SPAG16: variants seen among roughly 807,000 people sequenced by gnomAD.
SPAG16 encodes the protein sperm-associated antigen 16 protein.
Under a neutral mutation model 80.4 loss-of-function variants are expected in SPAG16, and 86 were observed. The observed-to-expected ratio is 1.07, with a 90% CI of 0.90 to 1.28. SPAG16 has a LOEUF of 1.28. Ranked by LOEUF, SPAG16 falls within the 50% of genes most tolerant of loss-of-function variation. The pLI is 0.00. For missense variants in SPAG16, 870 were observed against 765.3 expected (o/e 1.14, Z -1.61); for synonymous variants, 294 against 265.9 (o/e 1.11, Z -1.03).
At chr2:213,408,755 G>T (rs1159585972) in intron 9 of SPAG16, among the ~76,000 whole-genome samples, 2 of 152,140 alleles carry the variant, frequency 1.3e-5, no homozygotes, top group East Asian at 3.8e-4. Context: ...CTAATAATTG[G>T]TCTGCTCAAA....
At chr2:213,861,647 G>T (rs1321718762) in intron 10 of SPAG16, among the ~76,000 whole-genome samples, 2 of 152,140 alleles carry the variant, frequency 1.3e-5, no homozygotes, top group Non-Finnish European at 2.9e-5. Flanking sequence ...ACATTGTAAG[G>T]CATAGATGAA....
intron 15 of SPAG16, among the ~76,000 whole-genome samples, chr2:214,329,995 G>A (rs145013637): frequency 8.6e-5 from 13 of 152,022 alleles, no homozygotes; most frequent in East Asian, 7.7e-4. Context: ...GGCTGGGTGC[G>A]GTGGCTCATG....
At chr2:213,648,837 A>T (rs2062920999) in intron 10 of SPAG16, among the ~76,000 whole-genome samples, 2 of 152,190 alleles carry the variant, frequency 1.3e-5, no homozygotes, top group African/African-American at 4.8e-5. Flanking sequence ...GCTAGTTCTG[A>T]ATAGGATTGG....
At chr2:214,157,397 G>A (rs1294348407) in intron 15 of SPAG16, among the ~76,000 whole-genome samples, 1 of 151,984 alleles carries the variant, frequency 6.6e-6, no homozygotes, top group African/African-American at 2.4e-5. Context: ...AAACTGTTAT[G>A]CTTTATCTGG....
At chr2:214,096,545 G>T (rs1250704414) in intron 13 of SPAG16, among the ~76,000 whole-genome samples, 1 of 152,008 alleles carries the variant, frequency 6.6e-6, no homozygotes, top group South Asian at 2.1e-4. Context: ...CAGTTCTTAT[G>T]CTACTGGGAG....
intron 1 of SPAG16, among the ~76,000 whole-genome samples, chr2:213,286,665 C>A (rs1325914432): frequency 6.6e-6 from 1 of 152,236 alleles, no homozygotes; most frequent in African/African-American, 2.4e-5. Context: ...CGCACATATA[C>A]TCAATCACTT....
chr2:214,041,948 GT>G (rs1303183066), intron 13 of SPAG16, among the ~76,000 whole-genome samples: 1 of 116,282 alleles, frequency 8.6e-6, no homozygotes, highest in Non-Finnish European at 1.8e-5. Flanking sequence ...TATATATATA[GT>G]TTGTGTATAT....
At position 213,641,031 on chromosome 2, in the gene SPAG16, C is replaced by G. The variant is rs183480320; in HGVS notation, c.1070+150941C>G. 1.6e-4 allele frequency among the ~76,000 whole-genome samples: 24 copies of G among 152,240 alleles called. No individual in the cohort carries two copies. In the East Asian group the frequency reaches 4.1e-3, roughly 26 times the overall value. On this transcript the variant is annotated intron_variant, in intron 10 of 15. Transcript: ENST00000331683. ...GTTTGTGTCTTTTGTGTTCAGCTAC[C>G]AGGGTTTGTAGAGACAAACCATCAG...
intron 10 of SPAG16, among the ~76,000 whole-genome samples, chr2:213,813,927 T>C (rs1175131714): frequency 6.6e-6 from 1 of 152,052 alleles, no homozygotes; most frequent in East Asian, 1.9e-4. Context: ...GAGGTTCAGA[T>C]GCACAGGCCT....
intron 10 of SPAG16, among the ~76,000 whole-genome samples, chr2:213,521,451 C>G (rs2075663725): frequency 6.6e-6 from 1 of 152,196 alleles, no homozygotes; most frequent in Admixed American, 6.5e-5. Context: ...GGAAGACTTC[C>G]AGGATGTTAG....
chr2:214,086,030 A>G (rs564450013), intron 13 of SPAG16, among the ~76,000 whole-genome samples: 2 of 152,332 alleles, frequency 1.3e-5, no homozygotes, highest in South Asian at 4.1e-4. Flanking sequence ...AAAATTTTAA[A>G]TTACTCCGAA....
chr2:213,503,280 G>T lies in SPAG16; in HGVS notation c.1070+13190G>T, dbSNP rs572983962. Among the ~76,000 whole-genome samples, 4 of 152,282 alleles carry T rather than the reference G, an allele frequency of 2.6e-5. No homozygotes were observed. In the East Asian group the frequency reaches 7.7e-4, roughly 29 times the overall value. On this transcript the variant is annotated intron_variant, in intron 10 of 15. Coordinates refer to ENST00000331683, the MANE Select transcript of SPAG16 (RefSeq NM_024532.5). ...AAATGTTGATTTCCTCAGAAAGGAG[G>T]GATGTAGGGTTTTGCTCTTTGCCTA...
chr2:213,873,069 C>T (rs938725404), intron 11 of SPAG16, among the ~76,000 whole-genome samples: 4 of 151,994 alleles, frequency 2.6e-5, no homozygotes, highest in Non-Finnish European at 5.9e-5. Flanking sequence ...CAATACTGGC[C>T]TCACAGAATA....
intron 10 of SPAG16, among the ~76,000 whole-genome samples, chr2:213,729,288 T>TA (rs1157790999): frequency 1.3e-5 from 2 of 152,224 alleles, no homozygotes; most frequent in African/African-American, 2.4e-5. Flanking sequence ...TTTTGACACG[T>TA]ACTTCCTGTG....
At chr2:214,276,778 C>T (rs10200893) in intron 15 of SPAG16, among the ~76,000 whole-genome samples, 52,171 of 151,964 alleles carry the variant, frequency 0.34, 9,105 homozygotes, top group East Asian at 0.5. Flanking sequence ...CTTGGGGTTG[C>T]TCTTCTTGAG....
At position 213,426,532 on chromosome 2, in the gene SPAG16, G is replaced by C. The variant is rs573437418; in HGVS notation, c.942+51413G>C. On this transcript the variant is annotated intron_variant, in intron 9 of 15. Coordinates refer to ENST00000331683, the MANE Select transcript of SPAG16 (RefSeq NM_024532.5). ...TTTTCAACAATCCAAGTAGATTTTAGAAAATCTACAACCTACACAGACCAA... is the reference window on the plus strand; with the variant it reads ...TTTTCAACAATCCAAGTAGATTTTACAAAATCTACAACCTACACAGACCAA... Among the ~76,000 whole-genome samples the C allele has an allele frequency of 3.3e-5, 5 of 151,954 alleles. No homozygotes were observed. The East Asian group carries it at 9.7e-4, about 29-fold the overall frequency.
At chr2:214,080,607 C>CAAA (rs34792958) in intron 13 of SPAG16, among the ~76,000 whole-genome samples, 1 of 77,542 alleles carries the variant, frequency 1.3e-5, no homozygotes, top group African/African-American at 5.5e-5. Flanking sequence ...GACTCTGTCT[C>CAAA]AAAAAAAAAA....
At chr2:214,326,727 C>T (rs62196831) in intron 15 of SPAG16, among the ~76,000 whole-genome samples, 1 of 151,984 alleles carries the variant, frequency 6.6e-6, no homozygotes, top group Admixed American at 6.5e-5. Flanking sequence ...AGGCGGATCA[C>T]GAGATCAGGA....
chr2:213,758,529 G>T (rs1010967765), intron 10 of SPAG16, among the ~76,000 whole-genome samples: 4 of 151,984 alleles, frequency 2.6e-5, no homozygotes, highest in Non-Finnish European at 5.9e-5. Context: ...AAAAAATTGG[G>T]AGCTGAAAAG....
Sources: allele counts gnomAD v4.1 joint callset (sites outside exome capture counted in the v4.1 genomes callset), GRCh38; gene constraint gnomAD v4.1.1; transcripts MANE v1.5; gene names NCBI Gene and HGNC (gene_info 2026-07-23, HGNC 2026-07-21).